The following TESK2 variants were observed in gnomAD, a reference collection of about 807,000 sequenced individuals.
TESK2 encodes dual specificity testis-specific protein kinase 2.
In TESK2, 39 loss-of-function variants were observed where a neutral mutation model predicts 57.1. The ratio of observed to expected loss-of-function variants is 0.68; its 90% confidence interval spans 0.53 to 0.89. TESK2 has a LOEUF of 0.89. Among genes scored for constraint, TESK2 ranks in the 40% least tolerant of loss-of-function variants. The pLI is 0.00. For missense variants in TESK2, 646 were observed against 732.1 expected (o/e 0.88, Z 1.36); for synonymous variants, 249 against 267.9 (o/e 0.93, Z 0.69).
intron 4 of TESK2, among the ~76,000 whole-genome samples, chr1:45,358,154 A>C (rs1647522706): frequency 6.6e-6 from 1 of 151,950 alleles, no homozygotes; most frequent in Admixed American, 6.6e-5. Context: ...TCTACTAAAA[A>C]TACAAAAAAT....
chr1:45,380,339 TC>T (rs1446328078), intron 4 of TESK2, among the ~76,000 whole-genome samples: 1 of 152,178 alleles, frequency 6.6e-6, no homozygotes, highest in African/African-American at 2.4e-5. Flanking sequence ...CTTACCCAGT[TC>T]CCCAATCTTC....
At chr1:45,380,547 A>G (rs916591825) in intron 4 of TESK2, among the ~76,000 whole-genome samples, 2 of 152,190 alleles carry the variant, frequency 1.3e-5, no homozygotes, top group African/African-American at 2.4e-5. Context: ...TCTTGGCTAT[A>G]GAAGAGAAAA....
At chr1:45,417,609 T>G (rs75438370) in intron 3 of TESK2, among the ~76,000 whole-genome samples, 1 of 152,076 alleles carries the variant, frequency 6.6e-6, no homozygotes, top group African/African-American at 2.4e-5. Context: ...TTTTTTTTTT[T>G]GAGACAGAGT....
At chr1:45,469,353 C>A (rs752444987) in intron 1 of TESK2, among the ~76,000 whole-genome samples, 34 of 152,170 alleles carry the variant, frequency 2.2e-4, no homozygotes, top group Non-Finnish European at 4.4e-4. Context: ...CTACAGACCA[C>A]GCATTCTACC....
intron 1 of TESK2, among the ~76,000 whole-genome samples, chr1:45,461,749 G>GCC (rs1652341789): frequency 6.6e-6 from 1 of 152,136 alleles, no homozygotes; most frequent in South Asian, 2.1e-4. Context: ...TTCGATGTTT[G>GCC]CCATCAACTG....
intron 3 of TESK2, among the ~76,000 whole-genome samples, chr1:45,413,604 T>C (rs1044189234): frequency 2.0e-5 from 3 of 151,348 alleles, no homozygotes; most frequent in African/African-American, 7.3e-5. Flanking sequence ...TTTCCTTCAT[T>C]TCTCTCTCTC....
At chr1:45,447,115 G>A (rs1171278601) in intron 2 of TESK2, among the ~76,000 whole-genome samples, 1 of 152,150 alleles carries the variant, frequency 6.6e-6, no homozygotes, top group East Asian at 1.9e-4. Flanking sequence ...TACTCAGGAG[G>A]CTGAAGCAAG....
chr1:45,394,597 G>C (rs1332306389), intron 3 of TESK2, among the ~76,000 whole-genome samples: 2 of 146,200 alleles, frequency 1.4e-5, no homozygotes, highest in Non-Finnish European at 3.0e-5. Flanking sequence ...TTGGTCTACA[G>C]ACTACATGCA....
At chr1:45,398,512 A>T (rs1313199121) in intron 3 of TESK2, among the ~76,000 whole-genome samples, 1 of 152,056 alleles carries the variant, frequency 6.6e-6, no homozygotes, top group African/African-American at 2.4e-5. Context: ...GAGCCACTGC[A>T]CTCCAGCCTG....
Position 45,346,796 on chromosome 1 carries a change from A to G in TESK2, c.793-17T>C. The G allele has an allele frequency of 6.2e-7, 1 of 1,610,604 alleles. No homozygotes were observed. Among genetic ancestry groups the G allele is most frequent in the Non-Finnish European group, 8.5e-7 (1 of 1,176,928 alleles). ...CCCGAAATTCTGTGGATGGGTATGG[A>G]AAGCATAGGTAGACAGTTCATTAAT... On this transcript the variant is annotated splice_polypyrimidine_tract_variant and intron_variant, in intron 8 of 10. Transcript: ENST00000372086.
intron 4 of TESK2, among the ~76,000 whole-genome samples, chr1:45,377,446 T>C (rs1648476171): frequency 6.8e-6 from 1 of 146,102 alleles, no homozygotes; most frequent in Non-Finnish European, 1.5e-5. Flanking sequence ...TTTGAGACAG[T>C]CTTGCTCTGT....
In TESK2 at chr1:45,344,615, A is replaced by G; in HGVS notation, c.*225T>C. Reference sequence around the variant, plus strand: ...GGTGGGAGGCAGACCTCCTTGCTGGATTTCAGAGGCTTGGTATCAGCTGTT... The same window carrying G: ...GGTGGGAGGCAGACCTCCTTGCTGGGTTTCAGAGGCTTGGTATCAGCTGTT... On this transcript the variant is annotated 3_prime_UTR_variant, in exon 11 of 11. Transcript: ENST00000372086. The G allele has an allele frequency of 1.8e-6, 1 of 545,586 alleles. No homozygotes were observed. Among genetic ancestry groups the G allele is most frequent in the Non-Finnish European group, 3.3e-6 (1 of 305,832 alleles). The allele number at this position is 545,586 out of a possible 1,614,324, so 33.8% of individuals were successfully genotyped here.
chr1:45,377,644 C>T (rs1648487225), intron 4 of TESK2, among the ~76,000 whole-genome samples: 1 of 150,052 alleles, frequency 6.7e-6, no homozygotes, highest in South Asian at 2.1e-4. Flanking sequence ...GTCTCGAACT[C>T]CTGACCTCAG....
chr1:45,398,005 T>G (rs904680502), intron 3 of TESK2, among the ~76,000 whole-genome samples: 1 of 152,178 alleles, frequency 6.6e-6, no homozygotes, highest in Non-Finnish European at 1.5e-5. Flanking sequence ...ACTCATGGGC[T>G]CACACGATCC....
At chr1:45,391,189 T>C (rs1016099127) in intron 3 of TESK2, among the ~76,000 whole-genome samples, 1 of 150,996 alleles carries the variant, frequency 6.6e-6, no homozygotes, top group Admixed American at 6.6e-5. Flanking sequence ...GTGCTGGGAT[T>C]ACAGGTGTGA....
chr1:45,432,077 C>T (rs767948621), intron 2 of TESK2, among the ~76,000 whole-genome samples: 1 of 151,952 alleles, frequency 6.6e-6, no homozygotes, highest in South Asian at 2.1e-4. Context: ...GAAACCCCAT[C>T]TCTACAAAAA....
chr1:45,355,551 T>C (rs1032358309), intron 4 of TESK2, 102 bp from the exon 5 acceptor site: 3 of 1,366,962 alleles, frequency 2.2e-6, no homozygotes, highest in Admixed American at 2.5e-5. Flanking sequence ...GACTGTATTT[T>C]TTTTTTAAGT....
chr1:45,461,362 A>G (rs1652322971), intron 1 of TESK2, among the ~76,000 whole-genome samples: 1 of 152,110 alleles, frequency 6.6e-6, no homozygotes, highest in Non-Finnish European at 1.5e-5. Flanking sequence ...CAAAACAACA[A>G]CAACAAAAAA....
At chr1:45,371,357 T>C (rs1648170413) in intron 4 of TESK2, among the ~76,000 whole-genome samples, 1 of 152,170 alleles carries the variant, frequency 6.6e-6, no homozygotes, top group South Asian at 2.1e-4. Context: ...GCAACCCAAA[T>C]GTTCATCAAC....
Sources: allele counts gnomAD v4.1 joint callset (sites outside exome capture counted in the v4.1 genomes callset), GRCh38; gene constraint gnomAD v4.1.1; transcripts MANE v1.5; gene names NCBI Gene and HGNC (gene_info 2026-07-23, HGNC 2026-07-21).